The following DLG2 variants were observed in gnomAD, a reference collection of about 807,000 sequenced individuals.
The protein encoded by DLG2 is discs large MAGUK scaffold protein 2.
A neutral mutation model predicts 132.5 loss-of-function variants in DLG2; 45 were observed. The ratio of observed to expected loss-of-function variants is 0.34; its 90% CI spans 0.27 to 0.44. DLG2 has a LOEUF of 0.44. Ranked by LOEUF, DLG2 falls within the 20% of genes least tolerant of loss-of-function variation. The pLI is 1.00. For missense variants in DLG2, 1,045 were observed against 1,196.9 expected, an observed-to-expected ratio of 0.87 and a Z score of 1.87; for synonymous variants, 424 against 419.6, an observed-to-expected ratio of 1.01 and a Z score of -0.13.
chr11:84,350,218 C>T (rs897782741), intron 7 of DLG2, among the ~76,000 whole-genome samples: 2 of 147,242 alleles, frequency 1.4e-5, no homozygotes, highest in Non-Finnish European at 3.0e-5. Flanking sequence ...GCTAAAATGA[C>T]GAGGACCATA....
chr11:84,349,579 C>A (rs77599290), intron 7 of DLG2, among the ~76,000 whole-genome samples: 1 of 152,160 alleles, frequency 6.6e-6, no homozygotes, highest in Admixed American at 6.6e-5. Context: ...ATGCTTTGCA[C>A]GGTCATGTAC....
intron 4 of DLG2, among the ~76,000 whole-genome samples, chr11:85,218,335 T>C (rs2203702): frequency 0.81 from 123,856 of 152,154 alleles, 51,271 homozygotes; most frequent in Non-Finnish European, 0.9. Context: ...AACAAATATC[T>C]AGAATCTGTA....
intron 5 of DLG2, among the ~76,000 whole-genome samples, chr11:85,140,937 T>C (rs1345462699): frequency 6.6e-6 from 1 of 151,894 alleles, no homozygotes; most frequent in Non-Finnish European, 1.5e-5. Context: ...GGCTAAATAA[T>C]ATTCCAATGT....
At chr11:83,513,123 G>C (rs187298945) in intron 21 of DLG2, among the ~76,000 whole-genome samples, 275 of 152,278 alleles carry the variant, frequency 1.8e-3, no homozygotes, top group Non-Finnish European at 2.9e-3. Context: ...TTTCCACAAT[G>C]GTTGAACCAG....
intron 6 of DLG2, among the ~76,000 whole-genome samples, chr11:84,936,135 G>A (rs1401384725): frequency 6.6e-6 from 1 of 152,132 alleles, no homozygotes; most frequent in Admixed American, 6.5e-5. Flanking sequence ...CTGTTACCTA[G>A]AAAGAAGAAT....
intron 3 of DLG2, among the ~76,000 whole-genome samples, chr11:85,457,556 G>A (rs905109346): frequency 1.3e-5 from 2 of 152,182 alleles, no homozygotes; most frequent in Non-Finnish European, 2.9e-5. Context: ...GCTTAAGCAT[G>A]TTTTTGTAGT....
At chr11:83,910,825 T>C (rs547041412) in intron 15 of DLG2, among the ~76,000 whole-genome samples, 4 of 152,136 alleles carry the variant, frequency 2.6e-5, no homozygotes, top group Non-Finnish European at 4.4e-5. Flanking sequence ...TGATGATTAT[T>C]AAAGATGACA....
chr11:85,220,445 A>T (rs541455365), intron 4 of DLG2, among the ~76,000 whole-genome samples: 1 of 152,174 alleles, frequency 6.6e-6, no homozygotes, highest in South Asian at 2.1e-4. Context: ...GGCCAGGGTG[A>T]TGACTACAAA....
intron 18 of DLG2, among the ~76,000 whole-genome samples, chr11:83,653,546 C>T (rs999726001): frequency 1.1e-4 from 16 of 152,184 alleles, no homozygotes; most frequent in Non-Finnish European, 2.1e-4. Flanking sequence ...ATAACTGTCA[C>T]TGTACATGTC....
intron 10 of DLG2, among the ~76,000 whole-genome samples, chr11:84,089,222 G>C (rs964487892): frequency 1.3e-5 from 2 of 152,152 alleles, no homozygotes; most frequent in Admixed American, 6.5e-5. Context: ...ATAAGTGTCA[G>C]ACTGTGATGC....
rs965644127 is a variant in DLG2, at chr11:83,456,909, A to C, written c.*2909T>G. ...AAAAAAGGCCTGCAAATAAATAGCC[A>C]AGAAATCCCGCAAAAGGCCTGCAAA... On this transcript the variant is annotated 3_prime_UTR_variant, in exon 28 of 28. Coordinates refer to ENST00000376104, the MANE Select transcript of DLG2 (RefSeq NM_001142699.3). 6.6e-6 allele frequency: 1 copy of C among 152,644 alleles called. No individual in the cohort carries two copies. The highest frequency in any genetic ancestry group is 2.1e-4 in the South Asian group (1 of 4,830). The allele number at this position is 152,644 out of a possible 1,614,324, so 9.5% of individuals were successfully genotyped here.
intron 18 of DLG2, among the ~76,000 whole-genome samples, chr11:83,682,851 T>C (rs2079067458): frequency 6.6e-6 from 1 of 152,098 alleles, no homozygotes; most frequent in Non-Finnish European, 1.5e-5. Flanking sequence ...GTCCTAGAGA[T>C]TAGGGAGTCC....
intron 7 of DLG2, among the ~76,000 whole-genome samples, chr11:84,328,916 A>G (rs543020425): frequency 6.6e-6 from 1 of 152,264 alleles, no homozygotes; most frequent in African/African-American, 2.4e-5. Flanking sequence ...ATTTTATTCA[A>G]TATATGTTTA....
At chr11:83,929,115 A>AT (rs2079627958) in intron 15 of DLG2, among the ~76,000 whole-genome samples, 3 of 152,224 alleles carry the variant, frequency 2.0e-5, no homozygotes, top group Non-Finnish European at 4.4e-5. Context: ...ACATAGTCAA[A>AT]AATGTGTTTT....
intron 6 of DLG2, among the ~76,000 whole-genome samples, chr11:84,537,418 T>C (rs575470): frequency 6.6e-6 from 1 of 152,230 alleles, no homozygotes; most frequent in African/African-American, 2.4e-5. Flanking sequence ...GAATTACTTT[T>C]GTTCTCAACA....
chr11:83,504,938 A>G (rs1210035557), intron 21 of DLG2, among the ~76,000 whole-genome samples: 2 of 151,040 alleles, frequency 1.3e-5, no homozygotes, highest in South Asian at 2.1e-4. Context: ...TTTCAGGATG[A>G]TGGGGAACAT....
chr11:85,231,813 T>C (rs1257274518), intron 4 of DLG2, among the ~76,000 whole-genome samples: 2 of 151,938 alleles, frequency 1.3e-5, no homozygotes, highest in Non-Finnish European at 2.9e-5. Flanking sequence ...GACTAACATG[T>C]TCAGCAAAGT....
chr11:84,673,531 C>T (rs910289042), intron 6 of DLG2, among the ~76,000 whole-genome samples: 1 of 149,788 alleles, frequency 6.7e-6, no homozygotes, highest in Non-Finnish European at 1.5e-5. Flanking sequence ...ATATTATTAT[C>T]TGGATTATTT....
intron 6 of DLG2, among the ~76,000 whole-genome samples, chr11:84,641,855 C>A (rs2099666765): frequency 6.6e-6 from 1 of 151,432 alleles, no homozygotes; most frequent in Non-Finnish European, 1.5e-5. Context: ...AATGCCAGTT[C>A]CTATTAGAGG....
Sources: allele counts gnomAD v4.1 joint callset (sites outside exome capture counted in the v4.1 genomes callset), GRCh38; gene constraint gnomAD v4.1.1; transcripts MANE v1.5; gene names NCBI Gene and HGNC (gene_info 2026-07-23, HGNC 2026-07-21).